Variants in HACE1 observed in about 807,000 individuals in gnomAD.
HACE1 encodes the protein HECT domain and ankyrin repeat containing E3 ubiquitin protein ligase 1.
In HACE1, 73 loss-of-function variants were observed where a neutral mutation model predicts 118.4. The ratio of observed to expected loss-of-function variants is 0.62; its 90% CI spans 0.51 to 0.75. HACE1 has a LOEUF of 0.75. Among genes scored for constraint, HACE1 ranks in the 30% least tolerant of loss-of-function variants. HACE1 has a pLI of 0.00. For missense variants in HACE1, 749 were observed against 1,102.2 expected (o/e 0.68, Z 4.54); for synonymous variants, 368 against 374.8 (o/e 0.98, Z 0.21).
At chr6:104,743,619 T>C (rs1052571288) in intron 22 of HACE1, among the ~76,000 whole-genome samples, 1 of 151,978 alleles carries the variant, frequency 6.6e-6, no homozygotes, top group East Asian at 1.9e-4. Context: ...TTAAATCATC[T>C]AGTTTTCTAA....
At chr6:104,809,566 G>A (rs1437276758) in intron 7 of HACE1, among the ~76,000 whole-genome samples, 1 of 151,896 alleles carries the variant, frequency 6.6e-6, no homozygotes, top group Non-Finnish European at 1.5e-5. Flanking sequence ...ACAGGCCAAG[G>A]TAGAACTTGA....
At chr6:104,856,137 T>C (rs1776693128) in intron 1 of HACE1, among the ~76,000 whole-genome samples, 1 of 152,304 alleles carries the variant, frequency 6.6e-6, no homozygotes, top group African/African-American at 2.4e-5. Flanking sequence ...GGATTAGGTA[T>C]ATAATTAAAG....
chr6:104,761,584 C>T (rs1021849615), intron 19 of HACE1, among the ~76,000 whole-genome samples: 13 of 152,104 alleles, frequency 8.5e-5, no homozygotes, highest in African/African-American at 3.1e-4. Context: ...AGACCTAGGA[C>T]CATAAAAATC....
At chr6:104,747,678 A>G (rs1777580032) in intron 20 of HACE1, among the ~76,000 whole-genome samples, 1 of 152,078 alleles carries the variant, frequency 6.6e-6, no homozygotes, top group Non-Finnish European at 1.5e-5. Flanking sequence ...GACCATGAAC[A>G]AGTTCCATAT....
At chr6:104,747,433 C>A (rs1462597892) in intron 20 of HACE1, among the ~76,000 whole-genome samples, 3 of 152,058 alleles carry the variant, frequency 2.0e-5, no homozygotes, top group African/African-American at 7.2e-5. Context: ...TAGAATTTAA[C>A]CTGAATCCTT....
intron 7 of HACE1, among the ~76,000 whole-genome samples, chr6:104,800,793 C>CA (rs1387367815): frequency 6.6e-6 from 1 of 152,130 alleles, no homozygotes; most frequent in Non-Finnish European, 1.5e-5. Flanking sequence ...ATTCTAAAAA[C>CA]CAGAGCACCT....
At chr6:104,767,477 C>T (rs144090261) in intron 19 of HACE1, among the ~76,000 whole-genome samples, 56 of 152,250 alleles carry the variant, frequency 3.7e-4, no homozygotes, top group African/African-American at 1.3e-3. Flanking sequence ...ACTCTAGTAC[C>T]GCCCCATTTC....
intron 6 of HACE1, among the ~76,000 whole-genome samples, chr6:104,827,468 T>C (rs1773454069): frequency 6.6e-6 from 1 of 152,152 alleles, no homozygotes; most frequent in East Asian, 1.9e-4. Context: ...ATTGAGAACT[T>C]TGAATTCTTA....
intron 6 of HACE1, among the ~76,000 whole-genome samples, chr6:104,816,071 C>T (rs1772083404): frequency 7.3e-6 from 1 of 137,690 alleles, no homozygotes; most frequent in Non-Finnish European, 1.5e-5. Context: ...AAAACTACAA[C>T]TCAAAAAAAA....
At position 104,776,650 on chromosome 6, in the gene HACE1, G is replaced by A. The variant is rs1016341565; in HGVS notation, c.1864+91C>T. On this transcript the variant is annotated intron_variant, in intron 17 of 23. Transcript: ENST00000262903. ...TAAGAATATCCCACCTAGCTCACAG[G>A]TCTGCTGTGGAAATCAAAAATAAAA... is the stretch of plus-strand genomic sequence containing the variant. The A allele has an allele frequency of 6.2e-5, 51 of 823,416 alleles. 1 individual carries two copies. Among genetic ancestry groups the A allele is most frequent in the Non-Finnish European group, 1.0e-4 (46 of 461,728 alleles). 51.0% of individuals were successfully genotyped at this position (823,416 alleles called of 1,614,324 possible).
chr6:104,814,228 C>G (rs1288848018), intron 6 of HACE1, among the ~76,000 whole-genome samples: 1 of 137,530 alleles, frequency 7.3e-6, no homozygotes, highest in Non-Finnish European at 1.6e-5. Context: ...AAAGGCTCAA[C>G]ACGTGTCTAG....
At position 104,744,141 on chromosome 6, in the gene HACE1, T is replaced by C. The variant is rs370426751; in HGVS notation, c.2513+19A>G. On this transcript the variant is annotated intron_variant, in intron 22 of 23. Coordinates refer to ENST00000262903, the MANE Select transcript of HACE1 (RefSeq NM_020771.4). ...AATACATTAAATTATTTCCATATTA[T>C]CATAAAAATACTGCTTACCTGCCCG... 5 of 1,382,244 alleles carry C rather than the reference T, an allele frequency of 3.6e-6. No homozygotes were observed. The highest frequency in any genetic ancestry group is 5.2e-6 in the Non-Finnish European group (5 of 968,934). 85.6% of individuals were successfully genotyped at this position (1,382,244 alleles called of 1,614,324 possible).
chr6:104,858,090 AT>A (rs548533524), intron 1 of HACE1, among the ~76,000 whole-genome samples: 3 of 152,096 alleles, frequency 2.0e-5, no homozygotes, highest in African/African-American at 4.8e-5. Flanking sequence ...GAAATGACAT[AT>A]TTTTTTCTAT....
chr6:104,771,866 T>G, intron 18 of HACE1, 59 bp downstream of exon 18: 1 of 1,240,998 alleles, frequency 8.1e-7, no homozygotes, highest in Non-Finnish European at 1.2e-6. Context: ...CTAGTTTTCC[T>G]CAAACTGAAA....
intron 7 of HACE1, 131 bp from the exon 8 acceptor site, chr6:104,797,156 T>A (rs1769746017): frequency 3.2e-6 from 2 of 632,214 alleles, no homozygotes; most frequent in Admixed American, 2.5e-5. Flanking sequence ...ATGAAATACA[T>A]CTTCATAATC....
chr6:104,731,114 C>T (rs1448776665), intron 22 of HACE1: 1 of 152,100 alleles, frequency 6.6e-6, no homozygotes, highest in Non-Finnish European at 1.5e-5. Flanking sequence ...GTAATTACAA[C>T]TTCTCAAGTT....
At chr6:104,787,399 T>C (rs2114813972) in intron 11 of HACE1, 1 of 152,316 alleles carries the variant, frequency 6.6e-6, no homozygotes, top group African/African-American at 2.4e-5. Context: ...GACAGATACC[T>C]TCACTGAAAA....
intron 1 of HACE1, chr6:104,858,512 G>C (rs1171531649): frequency 2.5e-6 from 1 of 394,092 alleles, no homozygotes. Flanking sequence ...CCAGCCTGGG[G>C]AACATAGTGA....
At chr6:104,756,212 A>G (rs1352336016) in intron 19 of HACE1, among the ~76,000 whole-genome samples, 1 of 151,916 alleles carries the variant, frequency 6.6e-6, no homozygotes, top group East Asian at 1.9e-4. Context: ...GGAGTTCTAG[A>G]CCAGCTGGGC....
Sources: gnomAD v4.1 joint callset for allele counts (sites outside exome capture counted in the v4.1 genomes callset) on GRCh38, gnomAD v4.1.1 for gene constraint, MANE v1.5 for transcripts, NCBI Gene and HGNC (gene_info 2026-07-23, HGNC 2026-07-21) for gene names.